Variants in ZNF667 observed in about 807,000 individuals in gnomAD.
ZNF667 encodes the protein myocardial ischemic preconditioning upregulated 1 ortholog.
A neutral mutation model predicts 31.8 loss-of-function variants in ZNF667; 13 were observed. The ratio of observed to expected loss-of-function variants is 0.41; its 90% CI spans 0.27 to 0.65. The LOEUF (loss-of-function observed/expected upper bound fraction) is 0.65, where lower values mean the gene tolerates loss of function less well. Among genes scored for constraint, ZNF667 ranks in the 30% least tolerant of loss-of-function variants. The probability of loss-of-function intolerance (pLI) is 0.32; values close to 1 mark genes in which losing one functional copy is unlikely to be tolerated. For synonymous variants in ZNF667, 228 were observed against 247.1 expected (o/e 0.92, Z 0.73); for missense variants, 642 against 725.6 (o/e 0.88, Z 1.32).
intron 6 of ZNF667, among the ~76,000 whole-genome samples, chr19:56,453,312 T>A (rs1368147681): frequency 6.6e-6 from 1 of 152,028 alleles, no homozygotes; most frequent in Non-Finnish European, 1.5e-5. Context: ...CTAATACCAA[T>A]CCTACTCAAA....
intron 6 of ZNF667, among the ~76,000 whole-genome samples, chr19:56,451,868 C>CA (rs71184363): frequency 0.012 from 1,009 of 80,794 alleles, 101 homozygotes; most frequent in East Asian, 0.031. Flanking sequence ...GACCCTGTCT[C>CA]AAAAAAAAAA....
chr19:56,448,078 G>A (rs139284113), intron 6 of ZNF667, among the ~76,000 whole-genome samples: 29 of 152,242 alleles, frequency 1.9e-4, no homozygotes, highest in Non-Finnish European at 3.1e-4. Flanking sequence ...AAGAGGCACT[G>A]AGGAGGGTAG....
At position 56,442,690 on chromosome 19, in the gene ZNF667, T is replaced by A; in HGVS notation, c.305A>T (p.Lys102Ile). ...TKKLPPNQCN[K>I]SGQSICQKLV... ...TTTCTGGCAGATGCTTTGCCCAGAT[T>A]TGTTGCATTGATTTGGAGGTAACTT... The change falls in exon 7 of 7, where the codon AAA becomes ATA. Residue 102 changes from lysine (K) to isoleucine (I), a missense_variant. Transcript: ENST00000504904. 6.2e-7 allele frequency: 1 copy of A among 1,609,848 alleles called. No homozygotes were observed.
At chr19:56,454,934 G>A (rs754509555) in intron 6 of ZNF667, among the ~76,000 whole-genome samples, 5 of 151,652 alleles carry the variant, frequency 3.3e-5, no homozygotes, top group Admixed American at 6.6e-5. Context: ...ATCTGACAAG[G>A]GATTGATAAC....
Position 56,441,964 on chromosome 19 carries a change from G to C in ZNF667, c.1031C>G (p.Pro344Arg), listed in dbSNP as rs1220807057. ...KCGKLFNRIS[P>R]LMLHQRIHTS... ...GTGAATTCTCTGGTGAAGCATCAGG[G>C]GTGAAATCCTATTAAATAATTTCCC... The change falls in exon 7 of 7, where the codon CCC becomes CGC. Residue 344 changes from proline (P) to arginine (R), a missense_variant. Pro to Arg is a moderately radical substitution (Grantham distance 103, BLOSUM62 -2). Coordinates refer to ENST00000504904, the MANE Select transcript of ZNF667 (RefSeq NM_001321356.2). This position sits in a 1 kb window ranked among gnomAD's most constrained non-coding sequence, Gnocchi z 4.2. The C allele has an allele frequency of 8.7e-6, 14 of 1,613,814 alleles. No individual in the cohort carries two copies. The highest frequency in any genetic ancestry group is 1.2e-5 in the Non-Finnish European group (14 of 1,179,958).
In ZNF667 at chr19:56,477,253, C is replaced by A. The variant is rs1474341129; in HGVS notation, c.-662+19G>T. 1 of 152,164 alleles carries A rather than the reference C, an allele frequency of 6.6e-6. No individual in the cohort carries two copies. The highest frequency in any genetic ancestry group is 1.9e-4 in the East Asian group (1 of 5,176). The allele number at this position is 152,164 out of a possible 1,614,324, so 9.4% of individuals were successfully genotyped here. The stretch of plus-strand genomic sequence containing the variant: ...GCCCACGCCCTCAGACACACCCACA[C>A]TCTCGCCAGCCCCCTTACCTCGGTC... On this transcript the variant is annotated intron_variant, in intron 1 of 6. Transcript: ENST00000504904.
rs754207170 is a variant in ZNF667, at chr19:56,441,901, T to C, written c.1094A>G (p.Lys365Arg). ...EKPYKCDKCDKFFRRLSTLIL... is the reference protein window; with the variant it reads ...EKPYKCDKCDRFFRRLSTLIL... ...AAGGGTTGAAAGCCGCCTGAAGAAC[T>C]TGTCACATTTATCACATTTGTACGG... The change falls in exon 7 of 7, where the codon AAG becomes AGG. Residue 365 changes from lysine (K) to arginine (R), a missense_variant. Physicochemically the swap from Lys to Arg is conservative, Grantham distance 26 (BLOSUM62 2). Coordinates refer to ENST00000504904, the MANE Select transcript of ZNF667 (RefSeq NM_001321356.2). This position sits in a 1 kb window ranked among gnomAD's most constrained non-coding sequence, Gnocchi z 4.2. 2.5e-6 allele frequency: 4 copies of C among 1,614,182 alleles called. No individual in the cohort carries two copies. Among genetic ancestry groups the C allele is most frequent in the Non-Finnish European group, 3.4e-6 (4 of 1,180,020 alleles).
intron 3 of ZNF667, chr19:56,467,209 G>T: frequency 2.7e-6 from 1 of 364,636 alleles, no homozygotes; most frequent in South Asian, 2.1e-5. Context: ...GGGGGGAAAT[G>T]AGGGCACTGT....
chr19:56,452,817 G>A (rs2042860359), intron 6 of ZNF667, among the ~76,000 whole-genome samples: 1 of 152,018 alleles, frequency 6.6e-6, no homozygotes, highest in Non-Finnish European at 1.5e-5. Context: ...CTACTCAGGA[G>A]GCTGAGGCAG....
At chr19:56,449,256 T>C (rs1006999385) in intron 6 of ZNF667, 3 of 436,138 alleles carry the variant, frequency 6.9e-6, no homozygotes, top group African/African-American at 4.1e-5. Flanking sequence ...GACCAGGTAC[T>C]GACAAACATC....
At chr19:56,456,632 G>A (rs966907374) in intron 6 of ZNF667, among the ~76,000 whole-genome samples, 1 of 152,128 alleles carries the variant, frequency 6.6e-6, no homozygotes, top group African/African-American at 2.4e-5. Flanking sequence ...AGCACTTAAT[G>A]CAGATACGCT....
intron 3 of ZNF667, among the ~76,000 whole-genome samples, chr19:56,470,556 A>C (rs2043270278): frequency 6.6e-6 from 1 of 152,096 alleles, no homozygotes; most frequent in Non-Finnish European, 1.5e-5. Context: ...CCCTATCCAC[A>C]AGCCGCACAC....
chr19:56,473,006 T>C (rs1542039), intron 2 of ZNF667: 58,072 of 152,144 alleles, frequency 0.38, 11,692 homozygotes, highest in Middle Eastern at 0.52. Context: ...AATTTGGCAA[T>C]GTCTTTAAGA....
At chr19:56,474,274 T>C (rs1360756639) in intron 1 of ZNF667, 150 bp from the exon 2 acceptor site, 1 of 152,226 alleles carries the variant, frequency 6.6e-6, no homozygotes, top group African/African-American at 2.4e-5. Flanking sequence ...GGTCCTGATA[T>C]ACTGAAAACC....
At chr19:56,450,535 C>T (rs1197629100) in intron 6 of ZNF667, among the ~76,000 whole-genome samples, 1 of 152,144 alleles carries the variant, frequency 6.6e-6, no homozygotes, top group Admixed American at 6.5e-5. Flanking sequence ...GAACATACAA[C>T]ACTCACTAGC....
At chr19:56,457,366 A>G (rs1198772385) in intron 6 of ZNF667, among the ~76,000 whole-genome samples, 6 of 152,176 alleles carry the variant, frequency 3.9e-5, no homozygotes, top group African/African-American at 1.4e-4. Context: ...AAGGGTGTGG[A>G]GAGCTGAGCT....
chr19:56,443,374 T>C (rs1386460179), intron 6 of ZNF667, among the ~76,000 whole-genome samples: 1 of 152,194 alleles, frequency 6.6e-6, no homozygotes, highest in Non-Finnish European at 1.5e-5. Flanking sequence ...TGGGAACATG[T>C]TGTAAGACAT....
In ZNF667 at chr19:56,442,202, T is replaced by A. The variant is rs1329492235; in HGVS notation, c.793A>T (p.Met265Leu). The part of the protein sequence containing the change: ...CRKCGKAFNQ[M>L]SSLLLHKKIH... ...TTCTTATGAAGTAAAAGGGATGACATCTGATTGAAGGCTTTTCCGCACTTT... is the reference window on the plus strand; with the variant it reads ...TTCTTATGAAGTAAAAGGGATGACAACTGATTGAAGGCTTTTCCGCACTTT... The change falls in exon 7 of 7, where the codon ATG becomes TTG. Residue 265 changes from methionine to leucine, a missense_variant. By Grantham distance (15) the Met-to-Leu change is conservative. Transcript: ENST00000504904. 2.5e-6 allele frequency: 4 copies of A among 1,614,032 alleles called. No individual in the cohort carries two copies. Among genetic ancestry groups the A allele is most frequent in the South Asian group, 1.1e-5 (1 of 91,080 alleles).
At chr19:56,458,666 T>C (rs941216048) in intron 5 of ZNF667, among the ~76,000 whole-genome samples, 2 of 152,180 alleles carry the variant, frequency 1.3e-5, no homozygotes, top group Non-Finnish European at 2.9e-5. Flanking sequence ...CAACCTTGCC[T>C]ACCTGAAGCC....
Sources: gnomAD v4.1 joint callset for allele counts (sites outside exome capture counted in the v4.1 genomes callset) on GRCh38, gnomAD v4.1.1 for gene constraint, Gnocchi (gnomAD v3.1) non-coding constraint, MANE v1.5 for transcripts, NCBI Gene and HGNC (gene_info 2026-07-23, HGNC 2026-07-21) for gene names.